The following USP3 variants were observed in gnomAD, a reference collection of about 807,000 sequenced individuals.
The protein encoded by USP3 is ubiquitin carboxyl-terminal hydrolase 3.
A neutral mutation model predicts 72.3 loss-of-function variants in USP3; 20 were observed. The observed-to-expected ratio is 0.28, with a 90% CI of 0.19 to 0.40. The LOEUF (loss-of-function observed/expected upper bound fraction) is 0.40, where lower values mean the gene tolerates loss of function less well. USP3 is among the 10% of genes least tolerant of loss of function. The pLI is 1.00. For synonymous variants in USP3, 222 were observed against 225.3 expected, an observed-to-expected ratio of 0.99 and a Z score of 0.13; for missense variants, 479 against 633.9, an observed-to-expected ratio of 0.76 and a Z score of 2.62.
At chr15:63,531,101 C>T (rs1317230033) in intron 1 of USP3, among the ~76,000 whole-genome samples, 2 of 152,190 alleles carry the variant, frequency 1.3e-5, no homozygotes, top group Admixed American at 6.5e-5. Context: ...TCAAAGCTTT[C>T]ATGTTCAAAA....
At chr15:63,584,990 A>G (rs934157387) in intron 11 of USP3, among the ~76,000 whole-genome samples, 7 of 152,194 alleles carry the variant, frequency 4.6e-5, no homozygotes, top group Non-Finnish European at 7.4e-5. Flanking sequence ...CCCCAGCACC[A>G]TCTTTTGAAA....
chr15:63,575,985 C>CTTT (rs35737078), intron 11 of USP3, among the ~76,000 whole-genome samples: 6 of 119,768 alleles, frequency 5.0e-5, no homozygotes, highest in Non-Finnish European at 3.5e-5. Flanking sequence ...CTGAACAATA[C>CTTT]TTTTTTTTTT....
At chr15:63,545,655 C>T (rs2066309955) in intron 3 of USP3, among the ~76,000 whole-genome samples, 1 of 151,690 alleles carries the variant, frequency 6.6e-6, no homozygotes, top group Admixed American at 6.6e-5. Context: ...CCTTATCTGA[C>T]AAAAAGTCCG....
At position 63,588,599 on chromosome 15, in the gene USP3, T is replaced by C. The variant is rs2067121884; in HGVS notation, c.1216-103T>C. ...AAGGTATGCATGGAAGAATGATTGA[T>C]AGGGCAGCTAAAATGTTATTTACTG... On this transcript the variant is annotated intron_variant, in intron 12 of 14. Transcript: ENST00000380324. The surrounding 1 kb of genome is among the most constrained non-coding windows in gnomAD (Gnocchi z 4.6). 2 of 982,064 alleles carry C rather than the reference T, an allele frequency of 2.0e-6. No homozygotes were observed. The highest frequency in any genetic ancestry group is 2.1e-5 in the Admixed American group (1 of 47,956). The allele number at this position is 982,064 out of a possible 1,614,324, so 60.8% of individuals were successfully genotyped here. A position where few individuals can be genotyped will look rare whatever the true frequency, so the allele number is the denominator to read the frequency against.
chr15:63,548,237 T>C (rs191818302), intron 3 of USP3, among the ~76,000 whole-genome samples: 14 of 151,178 alleles, frequency 9.3e-5, no homozygotes, highest in African/African-American at 3.1e-4. Context: ...TCAAGTGATC[T>C]TCCCACCTCA....
chr15:63,519,703 A>G (rs746667863), intron 1 of USP3, among the ~76,000 whole-genome samples: 1 of 152,194 alleles, frequency 6.6e-6, no homozygotes, highest in Non-Finnish European at 1.5e-5. Flanking sequence ...TTTCACATCC[A>G]TTGATGATTC....
At position 63,563,000 on chromosome 15, in the gene USP3, A is replaced by C; in HGVS notation, c.753A>C (p.Pro251=). Reference sequence around the variant, plus strand: ...TTTATGTTGTTTGGAAGATTATGCCAAACTTTAGGTAAGTATTATATGAAG... The same window carrying C: ...TTTATGTTGTTTGGAAGATTATGCCCAACTTTAGGTAAGTATTATATGAAG... ...SLFYVVWKIM[P]NFRGYQQQDA... is the part of the protein sequence containing the mutation. The change falls in exon 8 of 15, where the codon CCA becomes CCC. Residue 251 remains proline (P), a synonymous_variant. Coordinates refer to ENST00000380324, the MANE Select transcript of USP3 (RefSeq NM_006537.4). 6.2e-7 allele frequency: 1 copy of C among 1,607,384 alleles called. No homozygotes were observed. Among genetic ancestry groups the C allele is most frequent in the Non-Finnish European group, 8.5e-7 (1 of 1,176,214 alleles).
intron 2 of USP3, 36 bp downstream of exon 2, chr15:63,532,743 G>C (rs764939244): frequency 2.5e-6 from 4 of 1,607,652 alleles, no homozygotes; most frequent in Admixed American, 1.7e-5. Context: ...TGACCTATTT[G>C]CTTTTTAAAA....
chr15:63,540,161 G>A (rs942775037), intron 3 of USP3, among the ~76,000 whole-genome samples: 2 of 152,174 alleles, frequency 1.3e-5, no homozygotes, highest in African/African-American at 4.8e-5. Flanking sequence ...CCCTAGAGAA[G>A]TTATAACATA....
At chr15:63,556,637 C>G (rs2066513675) in intron 4 of USP3, 30 bp from the exon 5 acceptor site, 1 of 1,562,210 alleles carries the variant, frequency 6.4e-7, no homozygotes, top group African/African-American at 1.4e-5. Context: ...ATATTAATAA[C>G]TTTTTCACTA....
In USP3 at chr15:63,591,661, A is replaced by C. The variant is rs1384090667; in HGVS notation, c.*835A>C. ...CAGTATCTCATTCCCCCTTAGTTGT[A>C]CCACTGGAAGTCACGACATGTCCAT... On this transcript the variant is annotated 3_prime_UTR_variant, in exon 15 of 15. Coordinates refer to ENST00000380324, the MANE Select transcript of USP3 (RefSeq NM_006537.4). 1 of 152,100 alleles carries C rather than the reference A, an allele frequency of 6.6e-6. No individual in the cohort carries two copies. 9.4% of individuals were successfully genotyped at this position (152,100 alleles called of 1,614,324 possible). A position where few individuals can be genotyped will look rare whatever the true frequency, so the allele number is the denominator to read the frequency against.
intron 1 of USP3, among the ~76,000 whole-genome samples, chr15:63,532,054 C>A (rs965509481): frequency 2.0e-5 from 3 of 152,138 alleles, no homozygotes; most frequent in African/African-American, 7.2e-5. Flanking sequence ...CATTTCCATA[C>A]CTTCTTGCCT....
intron 3 of USP3, among the ~76,000 whole-genome samples, chr15:63,538,347 T>G (rs1385310645): frequency 6.6e-6 from 1 of 152,136 alleles, no homozygotes; most frequent in Non-Finnish European, 1.5e-5. Context: ...TATTTTTTAT[T>G]GTCAGACAGC....
chr15:63,589,948 A>ATGAT (rs1282146091), intron 14 of USP3, among the ~76,000 whole-genome samples: 4 of 151,074 alleles, frequency 2.6e-5, no homozygotes, highest in Non-Finnish European at 5.9e-5. Flanking sequence ...TTCTTGTTTT[A>ATGAT]TGATTGCACT....
intron 8 of USP3, among the ~76,000 whole-genome samples, chr15:63,564,394 A>G (rs2066655395): frequency 6.6e-6 from 1 of 152,162 alleles, no homozygotes; most frequent in Admixed American, 6.5e-5. Flanking sequence ...GAGTTGGCTA[A>G]TAATAGATTT....
intron 11 of USP3, among the ~76,000 whole-genome samples, chr15:63,586,283 C>A (rs2067060065): frequency 6.6e-6 from 1 of 152,122 alleles, no homozygotes; most frequent in Non-Finnish European, 1.5e-5. Context: ...CAGTCTTTCA[C>A]CATTGAGTGT....
chr15:63,515,608 A>G (rs1288839075), intron 1 of USP3: 1 of 152,234 alleles, frequency 6.6e-6, no homozygotes, highest in Non-Finnish European at 1.5e-5. Context: ...GGAATAAGGA[A>G]TTCAGTAGGT....
At chr15:63,589,678 A>C (rs1431653611) in intron 14 of USP3, among the ~76,000 whole-genome samples, 2 of 152,154 alleles carry the variant, frequency 1.3e-5, no homozygotes, top group African/African-American at 4.8e-5. Flanking sequence ...CCTTCAGCTC[A>C]TGAAACTCTC....
rs11311204 is a variant in USP3, at chr15:63,592,333, G to GT, written c.*1519dup. The stretch of plus-strand genomic sequence containing the variant: ...AGTGTTCTAAGACAGTCCTGTGGTG[G>GT]TTTTTTTTTTTTCTTTTTTTTGGTT... On this transcript the variant is annotated 3_prime_UTR_variant, in exon 15 of 15. Coordinates refer to ENST00000380324, the MANE Select transcript of USP3 (RefSeq NM_006537.4). 74 of 144,012 alleles carry GT rather than the reference G, an allele frequency of 5.1e-4. No individual in the cohort carries two copies. Among genetic ancestry groups the GT allele is most frequent in the African/African-American group, 1.2e-3 (46 of 39,100 alleles). The allele number at this position is 144,012 out of a possible 1,614,324, so 8.9% of individuals were successfully genotyped here.
Sources: gnomAD v4.1 joint callset for allele counts (sites outside exome capture counted in the v4.1 genomes callset) on GRCh38, gnomAD v4.1.1 for gene constraint, Gnocchi (gnomAD v3.1) non-coding constraint, MANE v1.5 for transcripts, NCBI Gene and HGNC (gene_info 2026-07-23, HGNC 2026-07-21) for gene names.